DLG2: variants seen among roughly 807,000 people sequenced by gnomAD.
DLG2 encodes disks large homolog 2.
Under a neutral mutation model 132.5 loss-of-function variants are expected in DLG2, and 45 were observed. The ratio of observed to expected loss-of-function variants is 0.34; its 90% CI spans 0.27 to 0.44. The LOEUF is 0.44. Among genes scored for constraint, DLG2 ranks in the 20% least tolerant of loss-of-function variants. DLG2 has a pLI of 1.00. For missense variants in DLG2, 1,045 were observed against 1,196.9 expected (o/e 0.87, Z 1.87); for synonymous variants, 424 against 419.6 (o/e 1.01, Z -0.13).
chr11:85,590,991 C>T (rs778089293), intron 3 of DLG2, among the ~76,000 whole-genome samples: 10 of 152,098 alleles, frequency 6.6e-5, no homozygotes, highest in Non-Finnish European at 1.5e-4. Flanking sequence ...TTAGAAACAA[C>T]CAGCCTCATA....
chr11:83,905,350 C>A (rs2074458838), intron 15 of DLG2, among the ~76,000 whole-genome samples: 1 of 152,092 alleles, frequency 6.6e-6, no homozygotes, highest in Non-Finnish European at 1.5e-5. Context: ...CTCTGGGGCT[C>A]CATTAAATGG....
chr11:84,403,724 C>T (rs2098838808), intron 7 of DLG2, among the ~76,000 whole-genome samples: 2 of 152,310 alleles, frequency 1.3e-5, no homozygotes, highest in South Asian at 4.1e-4. Context: ...ATTTCTCACT[C>T]ATTTGATTCG....
chr11:84,426,703 G>A (rs1051479236), intron 7 of DLG2, among the ~76,000 whole-genome samples: 1 of 151,936 alleles, frequency 6.6e-6, no homozygotes, highest in East Asian at 1.9e-4. Context: ...TTTTTCCCAA[G>A]ACTTGAAATA....
chr11:84,145,907 C>A (rs890137015), intron 9 of DLG2, among the ~76,000 whole-genome samples: 2 of 152,142 alleles, frequency 1.3e-5, no homozygotes, highest in African/African-American at 4.8e-5. Flanking sequence ...ATGCTTACAT[C>A]TAAAGAAAAG....
chr11:84,265,502 C>T (rs887462488), intron 7 of DLG2, among the ~76,000 whole-genome samples: 6 of 152,112 alleles, frequency 3.9e-5, no homozygotes, highest in Non-Finnish European at 7.4e-5. Context: ...GATTTTAGTC[C>T]TACTACATTA....
intron 4 of DLG2, among the ~76,000 whole-genome samples, chr11:85,209,452 T>C (rs962968880): frequency 1.5e-5 from 2 of 136,590 alleles, no homozygotes; most frequent in Non-Finnish European, 3.2e-5. Context: ...AGTCTTTTTT[T>C]TTTTTTTTTT....
chr11:83,958,697 T>A (rs1443623599), intron 14 of DLG2, among the ~76,000 whole-genome samples: 1 of 152,162 alleles, frequency 6.6e-6, no homozygotes, highest in Admixed American at 6.5e-5. Context: ...CTCTTCTGAG[T>A]AACTAGGGAA....
At chr11:84,612,043 A>C (rs2099596410) in intron 6 of DLG2, among the ~76,000 whole-genome samples, 1 of 152,204 alleles carries the variant, frequency 6.6e-6, no homozygotes, top group Non-Finnish European at 1.5e-5. Flanking sequence ...TTTAATCAAG[A>C]TAATGAACAT....
At chr11:84,551,691 C>T (rs566548070) in intron 6 of DLG2, among the ~76,000 whole-genome samples, 23 of 152,282 alleles carry the variant, frequency 1.5e-4, no homozygotes, top group Admixed American at 2.6e-4. Context: ...ACCTTTAATT[C>T]ACACACTATA....
intron 7 of DLG2, among the ~76,000 whole-genome samples, chr11:84,290,851 G>T (rs2097983314): frequency 6.6e-6 from 1 of 152,056 alleles, no homozygotes; most frequent in Non-Finnish European, 1.5e-5. Flanking sequence ...GTCATCCAAG[G>T]TTTGAATTCT....
intron 19 of DLG2, among the ~76,000 whole-genome samples, chr11:83,577,635 A>G (rs1393908951): frequency 8.2e-6 from 1 of 122,128 alleles, no homozygotes; most frequent in Non-Finnish European, 1.6e-5. Context: ...GTTATTTATA[A>G]TAGGATATAT....
At chr11:84,740,962 C>T (rs752952340) in intron 6 of DLG2, among the ~76,000 whole-genome samples, 2 of 152,140 alleles carry the variant, frequency 1.3e-5, no homozygotes, top group Non-Finnish European at 2.9e-5. Context: ...CTTCACAAAA[C>T]CCACACACCC....
intron 6 of DLG2, among the ~76,000 whole-genome samples, chr11:84,684,150 A>G (rs1426253920): frequency 2.0e-5 from 3 of 152,184 alleles, no homozygotes; most frequent in Non-Finnish European, 4.4e-5. Flanking sequence ...ATGTGTATTT[A>G]TTTTCTACTT....
At position 83,703,541 on chromosome 11, in the gene DLG2, C is replaced by T. The variant is rs187392613; in HGVS notation, c.1826-70216G>A. The stretch of plus-strand genomic sequence containing the variant: ...GTGCATGCCTGTAATCCCAGCTAAT[C>T]GGGAGGCTGAGACAGGAAAATTGCT... On this transcript the variant is annotated intron_variant, in intron 18 of 27. Coordinates refer to ENST00000376104, the MANE Select transcript of DLG2 (RefSeq NM_001142699.3). Among the ~76,000 whole-genome samples the T allele has an allele frequency of 8.5e-5, 13 of 152,074 alleles. No homozygotes were observed. The East Asian group carries it at 2.5e-3, about 29-fold the overall frequency.
intron 18 of DLG2, among the ~76,000 whole-genome samples, chr11:83,724,188 C>T (rs376758621): frequency 6.6e-6 from 1 of 152,036 alleles, no homozygotes. Context: ...GAAAACTGAA[C>T]GCGTAAAATA....
chr11:83,925,934 C>A (rs1475335326), intron 15 of DLG2, among the ~76,000 whole-genome samples: 1 of 152,018 alleles, frequency 6.6e-6, no homozygotes, highest in African/African-American at 2.4e-5. Context: ...ACTAGATAAG[C>A]AGGAGTCCCA....
chr11:83,969,775 G>T (rs541666973), intron 12 of DLG2, among the ~76,000 whole-genome samples: 27 of 152,220 alleles, frequency 1.8e-4, no homozygotes, highest in African/African-American at 6.3e-4. Context: ...GTTTCACCAT[G>T]TTGGCCAGGC....
intron 6 of DLG2, among the ~76,000 whole-genome samples, chr11:85,085,518 C>T (rs1435887769): frequency 6.6e-6 from 1 of 151,930 alleles, no homozygotes; most frequent in Non-Finnish European, 1.5e-5. Flanking sequence ...ACACAGTGAA[C>T]ATCCATAATA....
At chr11:84,040,849 A>G (rs1350167429) in intron 11 of DLG2, among the ~76,000 whole-genome samples, 1 of 151,968 alleles carries the variant, frequency 6.6e-6, no homozygotes, top group African/African-American at 2.4e-5. Context: ...CTTCCTACGC[A>G]TGAGCATGGA....
Sources: gnomAD v4.1 joint callset for allele counts (sites outside exome capture counted in the v4.1 genomes callset) on GRCh38, gnomAD v4.1.1 for gene constraint, MANE v1.5 for transcripts, NCBI Gene and HGNC (gene_info 2026-07-23, HGNC 2026-07-21) for gene names.